Variants in TMCC1 observed in about 807,000 individuals in gnomAD.
The protein encoded by TMCC1 is transmembrane and coiled-coil domains protein 1.
A neutral mutation model predicts 52.4 loss-of-function variants in TMCC1; 15 were observed. The observed-to-expected ratio is 0.29, with a 90% CI of 0.19 to 0.44. TMCC1 has a LOEUF of 0.44. TMCC1 is among the 20% of genes least tolerant of loss of function. TMCC1 has a pLI of 1.00. For synonymous variants in TMCC1, 279 were observed against 301.9 expected, an observed-to-expected ratio of 0.92 and a Z score of 0.79; for missense variants, 503 against 806.0, an observed-to-expected ratio of 0.62 and a Z score of 4.55.
At chr3:129,881,173 T>A (rs982509291) in intron 1 of TMCC1, among the ~76,000 whole-genome samples, 1 of 152,108 alleles carries the variant, frequency 6.6e-6, no homozygotes, top group Non-Finnish European at 1.5e-5. Context: ...TAAAATTTTT[T>A]AAATTAACAT....
At chr3:129,784,236 G>GA (rs1258569783) in intron 4 of TMCC1, among the ~76,000 whole-genome samples, 1 of 151,894 alleles carries the variant, frequency 6.6e-6, no homozygotes, top group East Asian at 1.9e-4. Context: ...AATTAAAACA[G>GA]AAAAAAGTCC....
At chr3:129,719,338 C>T (rs1343741373) in intron 4 of TMCC1, among the ~76,000 whole-genome samples, 1 of 152,220 alleles carries the variant, frequency 6.6e-6, no homozygotes, top group Admixed American at 6.5e-5. Context: ...TTAATGGAAG[C>T]ACTGCATCCC....
intron 4 of TMCC1, among the ~76,000 whole-genome samples, chr3:129,812,841 A>C (rs888160700): frequency 1.3e-5 from 2 of 152,188 alleles, no homozygotes; most frequent in African/African-American, 4.8e-5. Context: ...ATGAAACTAA[A>C]GAGCTTCTGC....
intron 4 of TMCC1, among the ~76,000 whole-genome samples, chr3:129,734,357 A>C (rs2050773942): frequency 6.6e-6 from 1 of 152,240 alleles, no homozygotes; most frequent in South Asian, 2.1e-4. Context: ...CATTTACATA[A>C]AATTTAAAAT....
intron 4 of TMCC1, among the ~76,000 whole-genome samples, chr3:129,692,167 T>C (rs1370968571): frequency 6.6e-6 from 1 of 152,204 alleles, no homozygotes; most frequent in Non-Finnish European, 1.5e-5. Flanking sequence ...AAATTTAATC[T>C]GAACTTTGTA....
At chr3:129,725,040 G>C (rs1384343593) in intron 4 of TMCC1, among the ~76,000 whole-genome samples, 2 of 152,186 alleles carry the variant, frequency 1.3e-5, no homozygotes, top group Non-Finnish European at 2.9e-5. Flanking sequence ...CTTATTTACA[G>C]ATTTCCAAAT....
intron 4 of TMCC1, among the ~76,000 whole-genome samples, chr3:129,731,649 A>G (rs1459018759): frequency 6.6e-6 from 1 of 151,116 alleles, no homozygotes; most frequent in African/African-American, 2.4e-5. Context: ...TTTTTTTTTT[A>G]AACAGGCGTG....
intron 4 of TMCC1, among the ~76,000 whole-genome samples, chr3:129,720,814 C>T (rs963222359): frequency 1.4e-4 from 22 of 152,168 alleles, no homozygotes; most frequent in Admixed American, 1.2e-3. Context: ...CTCACCTCAA[C>T]CTCCTGAGTA....
intron 4 of TMCC1, among the ~76,000 whole-genome samples, chr3:129,806,862 G>A (rs2057494205): frequency 6.6e-6 from 1 of 151,822 alleles, no homozygotes; most frequent in African/African-American, 2.4e-5. Context: ...AAACTTTAAG[G>A]AAATCTACCA....
At chr3:129,819,469 A>G (rs1178502534) in intron 4 of TMCC1, among the ~76,000 whole-genome samples, 1 of 152,226 alleles carries the variant, frequency 6.6e-6, no homozygotes, top group Non-Finnish European at 1.5e-5. Flanking sequence ...CATCTGTATT[A>G]TTTTACTGCC....
chr3:129,726,349 T>C (rs1231273034), intron 4 of TMCC1, among the ~76,000 whole-genome samples: 1 of 151,808 alleles, frequency 6.6e-6, no homozygotes, highest in Admixed American at 6.6e-5. Flanking sequence ...ACTTTTGAGA[T>C]CATCTGTGTT....
chr3:129,876,252 A>C (rs1278524395), intron 2 of TMCC1, among the ~76,000 whole-genome samples: 1 of 151,208 alleles, frequency 6.6e-6, no homozygotes, highest in Non-Finnish European at 1.5e-5. Flanking sequence ...TTAAGTAAGC[A>C]CTAGTGATTT....
chr3:129,885,326 G>A (rs2669833), intron 1 of TMCC1, among the ~76,000 whole-genome samples: 55,288 of 151,754 alleles, frequency 0.36, 15,555 homozygotes, highest in African/African-American at 0.77. Flanking sequence ...AATCACTGCA[G>A]AACAAAGCTT....
chr3:129,862,520 A>C (rs1402410114), intron 2 of TMCC1, among the ~76,000 whole-genome samples: 1 of 152,232 alleles, frequency 6.6e-6, no homozygotes, highest in Non-Finnish European at 1.5e-5. Context: ...AAGACATATA[A>C]TAAATAGCTA....
intron 4 of TMCC1, among the ~76,000 whole-genome samples, chr3:129,711,916 C>T (rs1028809270): frequency 2.8e-5 from 4 of 143,856 alleles, no homozygotes; most frequent in South Asian, 2.3e-4. Flanking sequence ...GCAGGAGAAT[C>T]GCTTGAATCC....
intron 4 of TMCC1, among the ~76,000 whole-genome samples, chr3:129,707,875 C>T (rs1294979700): frequency 6.6e-6 from 1 of 151,176 alleles, no homozygotes; most frequent in East Asian, 1.9e-4. Context: ...GAGGTTGCAG[C>T]GAGCCGAGAT....
chr3:129,784,674 A>C (rs1376846512), intron 4 of TMCC1, among the ~76,000 whole-genome samples: 2 of 151,902 alleles, frequency 1.3e-5, no homozygotes, highest in Non-Finnish European at 2.9e-5. Flanking sequence ...TTTCATAATA[A>C]AAAAGGACAG....
intron 4 of TMCC1, among the ~76,000 whole-genome samples, chr3:129,768,837 T>C (rs1404923209): frequency 6.6e-6 from 1 of 152,190 alleles, no homozygotes; most frequent in Non-Finnish European, 1.5e-5. Context: ...TTTAATCCTT[T>C]TGAAAACAGA....
chr3:129,772,809 A>G (rs906631689), intron 4 of TMCC1, among the ~76,000 whole-genome samples: 1 of 152,142 alleles, frequency 6.6e-6, no homozygotes, highest in South Asian at 2.1e-4. Flanking sequence ...ATTGCTCACA[A>G]TAAGAGAGAT....
Sources: gnomAD v4.1 joint callset for allele counts (sites outside exome capture counted in the v4.1 genomes callset) on GRCh38, gnomAD v4.1.1 for gene constraint, MANE v1.5 for transcripts, NCBI Gene and HGNC (gene_info 2026-07-23, HGNC 2026-07-21) for gene names.